Variants in WDR72 observed in about 807,000 individuals in gnomAD.
The protein encoded by WDR72 is WD repeat-containing protein 72.
In WDR72, 120 loss-of-function variants were observed where a neutral mutation model predicts 124.2. The observed-to-expected ratio is 0.97, with a 90% CI of 0.83 to 1.12. The LOEUF (loss-of-function observed/expected upper bound fraction) is 1.12. WDR72 is among the 50% of genes most tolerant of loss of function. WDR72 has a pLI of 0.00. For missense variants in WDR72, 1,387 were observed against 1,278.8 expected (o/e 1.08, Z -1.29); for synonymous variants, 452 against 441.7 (o/e 1.02, Z -0.29).
chr15:53,572,376 C>A (rs2140307160), intron 18 of WDR72, among the ~76,000 whole-genome samples: 1 of 151,864 alleles, frequency 6.6e-6, no homozygotes, highest in East Asian at 2.0e-4. Context: ...GTCTTTAATC[C>A]AATTTGAGTT....
At chr15:53,696,598 T>G (rs1290528285) in intron 13 of WDR72, among the ~76,000 whole-genome samples, 2 of 152,178 alleles carry the variant, frequency 1.3e-5, no homozygotes, top group Non-Finnish European at 2.9e-5. Context: ...GTTCGTATTT[T>G]CCCCCTAGCT....
intron 18 of WDR72, among the ~76,000 whole-genome samples, chr15:53,544,540 C>A (rs1275957692): frequency 1.4e-4 from 21 of 147,030 alleles, no homozygotes; most frequent in Admixed American, 9.3e-4. Flanking sequence ...CTATGACAAA[C>A]CCACAGCCGA....
At chr15:53,705,339 G>T in intron 10 of WDR72, 106 bp from the exon 11 acceptor site, 1 of 1,009,974 alleles carries the variant, frequency 9.9e-7, no homozygotes, top group Non-Finnish European at 1.5e-6. Flanking sequence ...CAGTGTTACA[G>T]CCTATCCCAG....
chr15:53,649,486 T>C (rs1385619252), intron 14 of WDR72, among the ~76,000 whole-genome samples: 2 of 152,100 alleles, frequency 1.3e-5, no homozygotes, highest in African/African-American at 2.4e-5. Context: ...GAGGACCCTA[T>C]CTTAAGTCTG....
intron 18 of WDR72, among the ~76,000 whole-genome samples, chr15:53,565,197 C>T (rs1051115603): frequency 1.3e-5 from 2 of 151,650 alleles, no homozygotes; most frequent in African/African-American, 4.8e-5. Context: ...GAAAGGGAGC[C>T]CTTGGGGACT....
At position 53,597,009 on chromosome 15, in the gene WDR72, C is replaced by T. The variant is rs755809231; in HGVS notation, c.3148+70G>A. ...AATCGAAAATCGTTCAGTTGCACCACCATAAGTTGGAGACTATCTATAGTA... is the reference window on the plus strand; with the variant it reads ...AATCGAAAATCGTTCAGTTGCACCATCATAAGTTGGAGACTATCTATAGTA... On this transcript the variant is annotated intron_variant, in intron 18 of 19. Coordinates refer to ENST00000360509, the MANE Select transcript of WDR72 (RefSeq NM_182758.4). 3.4e-6 allele frequency: 5 copies of T among 1,469,374 alleles called. No homozygotes were observed. In the South Asian group the frequency reaches 3.4e-5, roughly 10 times the overall value. 91.0% of individuals were successfully genotyped at this position (1,469,374 alleles called of 1,614,324 possible). A position where few individuals can be genotyped will look rare whatever the true frequency, so the allele number is the denominator to read the frequency against.
At chr15:53,674,760 A>G (rs2016107995) in intron 13 of WDR72, among the ~76,000 whole-genome samples, 1 of 152,168 alleles carries the variant, frequency 6.6e-6, no homozygotes, top group Non-Finnish European at 1.5e-5. Context: ...TTAAGGGTAT[A>G]TAGGATACAT....
chr15:53,722,758 G>C, intron 3 of WDR72, 44 bp downstream of exon 3: 1 of 1,556,936 alleles, frequency 6.4e-7, no homozygotes, highest in Non-Finnish European at 8.9e-7. Context: ...TTTTAAAAAG[G>C]GAAGGAAATG....
intron 13 of WDR72, among the ~76,000 whole-genome samples, chr15:53,679,239 T>C (rs534125360): frequency 2.4e-4 from 36 of 152,298 alleles, no homozygotes; most frequent in African/African-American, 7.5e-4. Flanking sequence ...TGGATGATGG[T>C]GATGGTTGCA....
intron 9 of WDR72, among the ~76,000 whole-genome samples, chr15:53,708,515 C>G (rs760711895): frequency 1.6e-4 from 25 of 152,114 alleles, no homozygotes; most frequent in Non-Finnish European, 3.4e-4. Flanking sequence ...AATTAAGAAA[C>G]TCACTCCAAA....
At chr15:53,727,753 C>T (rs1240041003) in intron 2 of WDR72, among the ~76,000 whole-genome samples, 1 of 152,180 alleles carries the variant, frequency 6.6e-6, no homozygotes, top group Admixed American at 6.5e-5. Flanking sequence ...AACATCATGG[C>T]CTTTCATATG....
chr15:53,747,086 G>C (rs1338470007), intron 1 of WDR72, among the ~76,000 whole-genome samples: 1 of 152,132 alleles, frequency 6.6e-6, no homozygotes, highest in South Asian at 2.1e-4. Context: ...GAACCAAGCA[G>C]CCTCTGCAGT....
intron 17 of WDR72, among the ~76,000 whole-genome samples, chr15:53,609,140 C>T (rs982871784): frequency 7.9e-5 from 12 of 151,778 alleles, no homozygotes; most frequent in Non-Finnish European, 1.6e-4. Flanking sequence ...ACTATGTGCC[C>T]ACAAAAATCA....
At chr15:53,637,556 G>A (rs2014671008) in intron 14 of WDR72, among the ~76,000 whole-genome samples, 1 of 152,162 alleles carries the variant, frequency 6.6e-6, no homozygotes, top group African/African-American at 2.4e-5. Flanking sequence ...TTCCAGTCAA[G>A]TTCTTTTTTC....
intron 18 of WDR72, among the ~76,000 whole-genome samples, chr15:53,573,872 T>A (rs1250053635): frequency 6.6e-6 from 1 of 152,230 alleles, no homozygotes; most frequent in Non-Finnish European, 1.5e-5. Flanking sequence ...TTTGCATTTT[T>A]TAATTTGTTA....
chr15:53,536,351 T>C (rs1892760040), intron 18 of WDR72, among the ~76,000 whole-genome samples: 1 of 152,212 alleles, frequency 6.6e-6, no homozygotes, highest in East Asian at 1.9e-4. Flanking sequence ...CTGGTAGTTC[T>C]AAGGTTAAGT....
intron 18 of WDR72, among the ~76,000 whole-genome samples, chr15:53,575,379 T>C (rs1340058399): frequency 6.6e-6 from 1 of 152,166 alleles, no homozygotes; most frequent in Non-Finnish European, 1.5e-5. Context: ...ATTTGCTACA[T>C]GCTCTGTCAC....
intron 14 of WDR72, among the ~76,000 whole-genome samples, chr15:53,661,187 C>T (rs1288769126): frequency 6.6e-6 from 1 of 152,142 alleles, no homozygotes; most frequent in Non-Finnish European, 1.5e-5. Context: ...CTTTCTAAGC[C>T]TATTTTTTCT....
upstream of WDR72, among the ~76,000 whole-genome samples, chr15:53,762,219 T>TC (rs1010176091): frequency 5.3e-4 from 80 of 152,280 alleles, no homozygotes; most frequent in Middle Eastern, 3.4e-3. Context: ...CTCTTAAACT[T>TC]CACATATCCT....
Sources: gnomAD v4.1 joint callset for allele counts (sites outside exome capture counted in the v4.1 genomes callset) on GRCh38, gnomAD v4.1.1 for gene constraint, MANE v1.5 for transcripts, NCBI Gene and HGNC (gene_info 2026-07-23, HGNC 2026-07-21) for gene names.